Variants in IDO2 observed in about 807,000 individuals in gnomAD.
IDO2 encodes indoleamine 2,3-dioxygenase-like 1 protein.
A neutral mutation model predicts 45.1 loss-of-function variants in IDO2; 46 were observed. The ratio of observed to expected loss-of-function variants is 1.02; its 90% CI spans 0.80 to 1.30. The LOEUF (loss-of-function observed/expected upper bound fraction) is 1.30. Ranked by LOEUF, IDO2 falls within the 50% of genes most tolerant of loss-of-function variation. IDO2 has a pLI of 0.00. For missense variants in IDO2, 544 were observed against 491.8 expected (o/e 1.11, Z -1.00); for synonymous variants, 218 against 184.9 (o/e 1.18, Z -1.45).
At chr8:39,984,362 C>T (rs1300093812) in intron 5 of IDO2, among the ~76,000 whole-genome samples, 1 of 152,198 alleles carries the variant, frequency 6.6e-6, no homozygotes, top group Non-Finnish European at 1.5e-5. Flanking sequence ...GCAATCCCAG[C>T]TACTCAGGAG....
chr8:40,014,676 T>C (rs757214547), intron 10 of IDO2, among the ~76,000 whole-genome samples: 90 of 152,334 alleles, frequency 5.9e-4, no homozygotes, highest in Admixed American at 2.8e-3. Flanking sequence ...TATTTATATA[T>C]TGGCAAACAA....
At chr8:39,960,830 TG>T (rs1807982399) in intron 2 of IDO2, among the ~76,000 whole-genome samples, 1 of 152,202 alleles carries the variant, frequency 6.6e-6, no homozygotes, top group Non-Finnish European at 1.5e-5. Context: ...TTGCCCAGGA[TG>T]GAGTGCAGTG....
At chr8:40,000,322 A>G (rs1802115855) in intron 8 of IDO2, among the ~76,000 whole-genome samples, 1 of 152,052 alleles carries the variant, frequency 6.6e-6, no homozygotes, top group Non-Finnish European at 1.5e-5. Context: ...AGGCAGGAGA[A>G]TCGCTTGAAC....
chr8:39,940,164 A>G (rs778270780), intron 1 of IDO2, among the ~76,000 whole-genome samples: 1 of 152,198 alleles, frequency 6.6e-6, no homozygotes, highest in Non-Finnish European at 1.5e-5. Flanking sequence ...TGCAGGGTAC[A>G]GCCCTGAGTT....
At chr8:40,015,415 A>T (rs1478300289) in exon 11 of IDO2, 2 of 1,613,834 alleles carry the variant, frequency 1.2e-6, no homozygotes, top group East Asian at 4.5e-5. Context: ...CTGCGGAGCT[A>T]TCACATCACC....
At chr8:39,961,536 C>G (rs1205024278) in intron 2 of IDO2, among the ~76,000 whole-genome samples, 1 of 151,888 alleles carries the variant, frequency 6.6e-6, no homozygotes, top group South Asian at 2.1e-4. Flanking sequence ...TGGTCAAGCC[C>G]GTCACAAACT....
chr8:39,971,132 G>C (rs1808173682), intron 3 of IDO2, among the ~76,000 whole-genome samples: 1 of 152,122 alleles, frequency 6.6e-6, no homozygotes, highest in African/African-American at 2.4e-5. Context: ...CTTGTTAGGG[G>C]CTAGTGCAGC....
intron 1 of IDO2, among the ~76,000 whole-genome samples, chr8:39,938,236 A>G (rs1807587176): frequency 6.6e-6 from 1 of 152,144 alleles, no homozygotes; most frequent in South Asian, 2.1e-4. Flanking sequence ...TAAGCCCAAG[A>G]GTTTGAAATC....
At chr8:40,001,245 A>ATTTTTTTT (rs1187145007) in intron 8 of IDO2, among the ~76,000 whole-genome samples, 10 of 94,468 alleles carry the variant, frequency 1.1e-4, no homozygotes, top group Admixed American at 1.5e-4. Context: ...GGCTTTCCTC[A>ATTTTTTTT]TTTTTTTTTT....
chr8:39,953,872 C>T (rs562949892), intron 2 of IDO2, among the ~76,000 whole-genome samples: 34 of 152,182 alleles, frequency 2.2e-4, no homozygotes, highest in Non-Finnish European at 4.6e-4. Context: ...CTCTTCTACC[C>T]GAGATGTTTA....
rs374445668 is a variant in IDO2 at position 39,977,682 on chromosome 8, AAAAC to A, written c.196-1381_196-1378del. Among the ~76,000 whole-genome samples, 394 of 152,338 alleles carry A rather than the reference AAAAC, an allele frequency of 2.6e-3. 4 individuals are homozygous for A. The highest frequency in any genetic ancestry group is 9.0e-3 in the African/African-American group (376 of 41,582). On this transcript the variant is annotated intron_variant, in intron 3 of 10. Coordinates refer to ENST00000502986, the Ensembl canonical transcript of IDO2. Reference sequence around the variant, plus strand: ...GGTAACAGAGCAAGATCCTGTTTCTAAAACAAAACAAAACGAAACAAAACAAGTA... The same window carrying A: ...GGTAACAGAGCAAGATCCTGTTTCTAAAAACAAAACGAAACAAAACAAGTA...
At chr8:39,982,490 G>T (rs991251473) in intron 4 of IDO2, among the ~76,000 whole-genome samples, 162 bp from the exon 5 acceptor site, 1 of 152,120 alleles carries the variant, frequency 6.6e-6, no homozygotes, top group Non-Finnish European at 1.5e-5. Flanking sequence ...TTAACAGAAA[G>T]ATATGTGTGC....
intron 2 of IDO2, among the ~76,000 whole-genome samples, chr8:39,962,555 G>A (rs1808015476): frequency 6.6e-6 from 1 of 152,192 alleles, no homozygotes; most frequent in African/African-American, 2.4e-5. Flanking sequence ...CGAAATCCAG[G>A]ATCTTGTCTC....
At chr8:39,971,971 C>T (rs1203442596) in intron 3 of IDO2, among the ~76,000 whole-genome samples, 1 of 152,024 alleles carries the variant, frequency 6.6e-6, no homozygotes, top group African/African-American at 2.4e-5. Context: ...ACCATGCCCA[C>T]CTAATTTTTT....
chr8:39,989,919 A>T (rs534988034), intron 8 of IDO2, 81 bp downstream of exon 8: 4 of 858,230 alleles, frequency 4.7e-6, no homozygotes, highest in Non-Finnish European at 7.2e-6. Context: ...GGGACCAGGC[A>T]TGTCCTGAAG....
intron 1 of IDO2, among the ~76,000 whole-genome samples, chr8:39,944,394 C>A (rs1706664604): frequency 6.6e-6 from 1 of 152,144 alleles, no homozygotes; most frequent in South Asian, 2.1e-4. Flanking sequence ...ACTAACCCCG[C>A]TTTTAGACTC....
chr8:40,010,405 G>A (rs935107599), intron 9 of IDO2, among the ~76,000 whole-genome samples: 2 of 152,158 alleles, frequency 1.3e-5, no homozygotes, highest in Non-Finnish European at 1.5e-5. Flanking sequence ...GTAGAGCTTT[G>A]TCAGCTTCTT....
At chr8:39,982,668 T>C (rs1808371427) in exon 5 of IDO2, 1 of 1,609,524 alleles carries the variant, frequency 6.2e-7, no homozygotes, top group African/African-American at 1.3e-5. Flanking sequence ...CCAAGGAATC[T>C]TGCCCTTCCA....
chr8:39,986,891 T>TTATTATTATTGC (rs1473602454), intron 6 of IDO2: 6 of 151,112 alleles, frequency 4.0e-5, no homozygotes, highest in Non-Finnish European at 8.8e-5. Context: ...ATTATTATTA[T>TTATTATTATTGC]TGCAACAGAG....
Sources: gnomAD v4.1 joint callset for allele counts (sites outside exome capture counted in the v4.1 genomes callset) on GRCh38, gnomAD v4.1.1 for gene constraint, MANE v1.5 for transcripts, NCBI Gene and HGNC (gene_info 2026-07-23, HGNC 2026-07-21) for gene names.